The following CPEB1 variants were observed in gnomAD, a reference collection of about 807,000 sequenced individuals.
CPEB1 encodes cytoplasmic polyadenylation element binding protein 1.
Under a neutral mutation model 65.8 loss-of-function variants are expected in CPEB1, and 7 were observed. That is an observed-to-expected ratio of 0.11 (90% CI 0.06 to 0.20). The LOEUF (loss-of-function observed/expected upper bound fraction) is 0.20, where lower values mean the gene tolerates loss of function less well. Ranked by LOEUF, CPEB1 falls within the 10% of genes least tolerant of loss-of-function variation. The pLI, the probability that CPEB1 is intolerant of heterozygous loss-of-function variation, is 1.00. For missense variants in CPEB1, 551 were observed against 712.2 expected (o/e 0.77, Z 2.58); for synonymous variants, 262 against 260.0 (o/e 1.01, Z -0.08).
chr15:82,549,703 G>A (rs2035907663), intron 9 of CPEB1, 45 bp from the exon 10 acceptor site: 2 of 1,573,028 alleles, frequency 1.3e-6, no homozygotes, highest in Non-Finnish European at 1.7e-6. Context: ...GAGAGCCACA[G>A]AGAGAGAGGT....
At chr15:82,567,466 G>A (rs1011212080) in intron 4 of CPEB1, among the ~76,000 whole-genome samples, 10 of 151,630 alleles carry the variant, frequency 6.6e-5, no homozygotes, top group Non-Finnish European at 1.0e-4. Flanking sequence ...GTGAAACCCC[G>A]TCTCTACTTT....
rs1433002043 is a variant in CPEB1 at position 82,572,550 on chromosome 15, C to T, written c.272-1018G>A. ...GGGTATTAGTCATGAACAGATACAG[C>T]GGCTCAGCTCCTCCCCTCCCTCCTG... On this transcript the variant is annotated intron_variant, in intron 3 of 12. Coordinates refer to ENST00000684509, the MANE Select transcript of CPEB1 (RefSeq NM_001365242.1). Among the ~76,000 whole-genome samples, 9 of 152,110 alleles carry T rather than the reference C, an allele frequency of 5.9e-5. 1 individual carries two copies. The South Asian group carries it at 1.5e-3, about 25-fold the overall frequency.
intron 1 of CPEB1, among the ~76,000 whole-genome samples, chr15:82,639,589 T>A (rs1490657212): frequency 6.6e-6 from 1 of 152,148 alleles, no homozygotes; most frequent in Non-Finnish European, 1.5e-5. Flanking sequence ...GATGTGGATA[T>A]ATGTATTTAT....
At chr15:82,570,139 T>C (rs2039788430) in intron 4 of CPEB1, among the ~76,000 whole-genome samples, 1 of 152,010 alleles carries the variant, frequency 6.6e-6, no homozygotes, top group African/African-American at 2.4e-5. Flanking sequence ...TCAATACCCC[T>C]CTCCTAAATG....
intron 3 of CPEB1, among the ~76,000 whole-genome samples, chr15:82,588,437 G>T (rs1274489505): frequency 6.6e-6 from 1 of 151,974 alleles, no homozygotes; most frequent in African/African-American, 2.4e-5. Flanking sequence ...TGCACAAATG[G>T]TCAAATATAC....
Position 82,544,501 on chromosome 15 carries a change from G to T in CPEB1, c.*91C>A. The stretch of plus-strand genomic sequence containing the variant: ...ATTTTCCCTTGTCCTTGGGAAGCCA[G>T]CTCCCTGGTCGCCAGTGGCAGGGTG... On this transcript the variant is annotated 3_prime_UTR_variant, in exon 13 of 13. Coordinates refer to ENST00000684509, the MANE Select transcript of CPEB1 (RefSeq NM_001365242.1). The T allele has an allele frequency of 1.1e-6, 1 of 881,384 alleles. No individual in the cohort carries two copies. Among genetic ancestry groups the T allele is most frequent in the Non-Finnish European group, 1.8e-6 (1 of 556,974 alleles). The allele number at this position is 881,384 out of a possible 1,614,324, so 54.6% of individuals were successfully genotyped here.
chr15:82,643,672 C>T (rs587606378), intron 1 of CPEB1, among the ~76,000 whole-genome samples: 1 of 151,426 alleles, frequency 6.6e-6, no homozygotes, highest in East Asian at 1.9e-4. Flanking sequence ...AAAAAATGTA[C>T]ATACCCCTTT....
chr15:82,577,384 TA>T (rs200996907), intron 3 of CPEB1, among the ~76,000 whole-genome samples: 1 of 152,146 alleles, frequency 6.6e-6, no homozygotes, highest in Non-Finnish European at 1.5e-5. Flanking sequence ...TAAACTAACT[TA>T]AAAAATTTTT....
chr15:82,565,752 G>C (rs1047063079), intron 4 of CPEB1, among the ~76,000 whole-genome samples: 2 of 152,170 alleles, frequency 1.3e-5, no homozygotes, highest in Non-Finnish European at 2.9e-5. Flanking sequence ...TTCTTTCCTG[G>C]CCTCCAGAAC....
chr15:82,600,538 A>G (rs1204202849), intron 3 of CPEB1, among the ~76,000 whole-genome samples: 1 of 152,198 alleles, frequency 6.6e-6, no homozygotes, highest in Non-Finnish European at 1.5e-5. Context: ...GTTCAAATAT[A>G]CACACAATTG....
At chr15:82,556,313 T>C (rs1239749390) in intron 5 of CPEB1, 191 bp from the exon 6 acceptor site, 1 of 593,748 alleles carries the variant, frequency 1.7e-6, no homozygotes, top group African/African-American at 2.0e-5. Flanking sequence ...CCTTCTCTCC[T>C]CATTCAACTT....
chr15:82,618,161 C>T (rs561764851), intron 3 of CPEB1, among the ~76,000 whole-genome samples: 1 of 151,830 alleles, frequency 6.6e-6, no homozygotes, highest in African/African-American at 2.4e-5. Context: ...AGGAACCTGC[C>T]AAACTGTTTT....
At chr15:82,629,811 A>G (rs2046088942) in intron 1 of CPEB1, 3 of 985,444 alleles carry the variant, frequency 3.0e-6, no homozygotes, top group Non-Finnish European at 1.2e-6. Flanking sequence ...CTAAAATCCA[A>G]GTGAGCATGA....
chr15:82,623,154 T>A lies in CPEB1; in HGVS notation c.271+4039A>T, dbSNP rs975458669. Reference sequence around the variant, plus strand: ...CATCCAGTTAAGACTAAAGTAATTTTAATTCTCTTCAAAGCCTATTTCAAA... The same window carrying A: ...CATCCAGTTAAGACTAAAGTAATTTAAATTCTCTTCAAAGCCTATTTCAAA... On this transcript the variant is annotated intron_variant, in intron 3 of 12. Coordinates refer to ENST00000684509, the MANE Select transcript of CPEB1 (RefSeq NM_001365242.1). 6.9e-4 allele frequency among the ~76,000 whole-genome samples: 105 copies of A among 152,342 alleles called. 1 individual carries two copies. The highest frequency in any genetic ancestry group is 2.5e-3 in the African/African-American group (102 of 41,574).
At chr15:82,575,042 T>C (rs2151071477) in intron 3 of CPEB1, among the ~76,000 whole-genome samples, 1 of 152,348 alleles carries the variant, frequency 6.6e-6, no homozygotes, top group African/African-American at 2.4e-5. Context: ...CCTCATGTAA[T>C]TTATTGAATA....
At chr15:82,576,511 G>A (rs925075649) in intron 3 of CPEB1, among the ~76,000 whole-genome samples, 4 of 152,060 alleles carry the variant, frequency 2.6e-5, no homozygotes, top group Non-Finnish European at 5.9e-5. Context: ...AGGATTTTGG[G>A]GTAAACTGTA....
At chr15:82,552,713 T>A in intron 8 of CPEB1, 97 bp from the exon 9 acceptor site, 1 of 1,338,298 alleles carries the variant, frequency 7.5e-7, no homozygotes, top group Non-Finnish European at 1.1e-6. Flanking sequence ...AGAAAGAAGG[T>A]CTTGTGTATA....
At chr15:82,580,106 G>A (rs909400983) in intron 3 of CPEB1, among the ~76,000 whole-genome samples, 8 of 151,700 alleles carry the variant, frequency 5.3e-5, no homozygotes, top group African/African-American at 1.7e-4. Flanking sequence ...CGGATAATGA[G>A]GTCAAGAGAT....
At chr15:82,546,134 C>T (rs949971463) in intron 12 of CPEB1, among the ~76,000 whole-genome samples, 2 of 151,654 alleles carry the variant, frequency 1.3e-5, no homozygotes, top group East Asian at 1.9e-4. Flanking sequence ...TTTTTTGACA[C>T]GGAGTCTCGC....
Sources: gnomAD v4.1 joint callset for allele counts (sites outside exome capture counted in the v4.1 genomes callset) on GRCh38, gnomAD v4.1.1 for gene constraint, MANE v1.5 for transcripts, NCBI Gene and HGNC (gene_info 2026-07-23, HGNC 2026-07-21) for gene names.